Variants in JAKMIP3 observed in about 807,000 individuals in gnomAD.
JAKMIP3 encodes the protein janus kinase and microtubule-interacting protein 3.
Under a neutral mutation model 118.5 loss-of-function variants are expected in JAKMIP3, and 58 were observed. That is an observed-to-expected ratio of 0.49 (90% CI 0.40 to 0.61). JAKMIP3 has a LOEUF of 0.61. Ranked by LOEUF, JAKMIP3 falls within the 20% of genes least tolerant of loss-of-function variation. JAKMIP3 has a pLI of 0.00. For missense variants in JAKMIP3, 950 were observed against 1,109.0 expected, an observed-to-expected ratio of 0.86 and a Z score of 2.04; for synonymous variants, 486 against 451.2, an observed-to-expected ratio of 1.08 and a Z score of -0.98.
intron 1 of JAKMIP3, among the ~76,000 whole-genome samples, chr10:132,037,935 C>T (rs935584964): frequency 1.4e-4 from 22 of 152,354 alleles, no homozygotes; most frequent in Admixed American, 9.1e-4. Flanking sequence ...GCCTTTGCCA[C>T]AAATCTGGAA....
chr10:132,061,109 A>C (rs1219714233), upstream of JAKMIP3, among the ~76,000 whole-genome samples: 2 of 152,260 alleles, frequency 1.3e-5, no homozygotes, highest in African/African-American at 4.8e-5. Flanking sequence ...GTAAATATGA[A>C]GTGAGTAACA....
chr10:132,171,648 C>CTTTTTTTTTTTTTT (rs1324091102), intron 23 of JAKMIP3, among the ~76,000 whole-genome samples: 1 of 125,554 alleles, frequency 8.0e-6, no homozygotes, highest in South Asian at 2.4e-4. Context: ...TTATTTTTTT[C>CTTTTTTTTTTTTTT]TTTCTTTTTT....
At chr10:132,121,289 C>G (rs2135431218) in intron 3 of JAKMIP3, among the ~76,000 whole-genome samples, 1 of 152,274 alleles carries the variant, frequency 6.6e-6, no homozygotes, top group East Asian at 1.9e-4. Flanking sequence ...AGCCGCCAAC[C>G]CAGCTCATGG....
intron 3 of JAKMIP3, among the ~76,000 whole-genome samples, chr10:132,119,196 T>C (rs894816172): frequency 6.6e-6 from 1 of 151,998 alleles, no homozygotes; most frequent in African/African-American, 2.4e-5. Flanking sequence ...GTACAGGCTT[T>C]TTTTTTGCAG....
intron 2 of JAKMIP3, among the ~76,000 whole-genome samples, chr10:132,110,320 C>T (rs571036605): frequency 2.6e-5 from 4 of 152,380 alleles, no homozygotes; most frequent in Admixed American, 2.0e-4. Context: ...GCTGCTGGTG[C>T]CTCCAGCAGG....
In JAKMIP3 at chr10:132,180,752, C is replaced by CGTGT. The variant is rs1301580781; in HGVS notation, c.*1104-1601_*1104-1598dup. ...GTGCGTGTGTGCGTGCGTGCGCGCG[C>CGTGT]GTGTGTGCGTGTGTGTGCGTGTGTG... is the stretch of plus-strand genomic sequence containing the variant. On this transcript the variant is annotated intron_variant, in intron 23 of 23. Coordinates refer to ENST00000684848, the MANE Select transcript of JAKMIP3 (RefSeq NM_001323087.2). 3.7e-3 allele frequency among the ~76,000 whole-genome samples: 50 copies of CGTGT among 13,680 alleles called. 18 individuals carry two copies. The highest frequency in any genetic ancestry group is 6.4e-3 in the African/African-American group (24 of 3,766). The allele number at this position is 13,680 out of a possible 152,430, so 9.0% of individuals were successfully genotyped here. A position where few individuals can be genotyped will look rare whatever the true frequency, so the allele number is the denominator to read the frequency against.
intron 1 of JAKMIP3, among the ~76,000 whole-genome samples, chr10:132,056,514 T>C: frequency 6.6e-6 from 1 of 152,224 alleles, no homozygotes; most frequent in East Asian, 1.9e-4. Context: ...TTTGTGGCTC[T>C]GCTGCCCTTA....
At position 132,112,213 on chromosome 10, in the gene JAKMIP3, C is replaced by T. The variant is rs754222000; in HGVS notation, c.136-4864C>T. Among the ~76,000 whole-genome samples the T allele has an allele frequency of 1.1e-4, 17 of 152,066 alleles. No homozygotes were observed. The highest frequency in any genetic ancestry group is 4.1e-4 in the South Asian group (2 of 4,822). On this transcript the variant is annotated intron_variant, in intron 2 of 23. Transcript: ENST00000684848. This position sits in a 1 kb window ranked among gnomAD's most constrained non-coding sequence, Gnocchi z 4.3. Reference sequence around the variant, plus strand: ...GTGGAGCCTCACACCAACATCCAGGCGGGGGCTGACATTTGGGTGGTGAGC... The same window carrying T: ...GTGGAGCCTCACACCAACATCCAGGTGGGGGCTGACATTTGGGTGGTGAGC...
intron 4 of JAKMIP3, among the ~76,000 whole-genome samples, chr10:132,133,828 G>T (rs2051150982): frequency 1.3e-5 from 2 of 152,232 alleles, no homozygotes; most frequent in African/African-American, 4.8e-5. Flanking sequence ...GGCACTTGCT[G>T]GCCCGGAGTC....
intron 1 of JAKMIP3, among the ~76,000 whole-genome samples, chr10:132,100,479 T>A (rs9419189): frequency 1.3e-5 from 2 of 151,876 alleles, no homozygotes; most frequent in African/African-American, 4.8e-5. Flanking sequence ...GAAGACGTAT[T>A]GACCAGAACA....
intron 23 of JAKMIP3, among the ~76,000 whole-genome samples, chr10:132,176,600 G>A (rs566017234): frequency 9.1e-4 from 138 of 152,194 alleles, no homozygotes; most frequent in Middle Eastern, 3.4e-3. Context: ...ACTACTAACC[G>A]CTATACGATC....
intron 1 of JAKMIP3, among the ~76,000 whole-genome samples, chr10:132,080,756 G>A (rs563761153): frequency 6.6e-6 from 1 of 151,908 alleles, no homozygotes; most frequent in African/African-American, 2.4e-5. Context: ...CCAACCTCAA[G>A]CAGTCTGCCC....
chr10:132,071,572 T>TTG (rs1009024655), intron 1 of JAKMIP3, among the ~76,000 whole-genome samples: 1 of 152,198 alleles, frequency 6.6e-6, no homozygotes, highest in Non-Finnish European at 1.5e-5. Context: ...TCCAATATGA[T>TTG]TGTGAATATC....
At chr10:132,059,338 T>C (rs2038330513) in intron 1 of JAKMIP3, among the ~76,000 whole-genome samples, 1 of 152,272 alleles carries the variant, frequency 6.6e-6, no homozygotes, top group Non-Finnish European at 1.5e-5. Context: ...CACAGGATTG[T>C]GCATTTGAAG....
intron 23 of JAKMIP3, among the ~76,000 whole-genome samples, chr10:132,178,083 C>A (rs1351322751): frequency 6.6e-6 from 1 of 152,258 alleles, no homozygotes; most frequent in Non-Finnish European, 1.5e-5. Context: ...GTCCCACCTG[C>A]CACCTGCACC....
Position 132,117,616 on chromosome 10 carries a change from G to C in JAKMIP3, c.633+42G>C, listed in dbSNP as rs12776852. ...GGGCGGGCGTGGGCGAGGGTGCAGG[G>C]GCGGGCGTGGGCGAGGGTGCAGGGG... is the stretch of plus-strand genomic sequence containing the variant. On this transcript the variant is annotated intron_variant, in intron 3 of 23. Coordinates refer to ENST00000684848, the MANE Select transcript of JAKMIP3 (RefSeq NM_001323087.2). The surrounding 1 kb of genome is among the most constrained non-coding windows in gnomAD (Gnocchi z 8.6). 3 of 1,081,200 alleles carry C rather than the reference G, an allele frequency of 2.8e-6. No homozygotes were observed. Among genetic ancestry groups the C allele is most frequent in the Non-Finnish European group, 3.9e-6 (3 of 771,130 alleles). The allele number at this position is 1,081,200 out of a possible 1,614,324, so 67.0% of individuals were successfully genotyped here. A position where few individuals can be genotyped will look rare whatever the true frequency, so the allele number is the denominator to read the frequency against.
intron 21 of JAKMIP3, among the ~76,000 whole-genome samples, chr10:132,165,571 C>T (rs778369792): frequency 6.6e-6 from 1 of 152,196 alleles, no homozygotes; most frequent in Non-Finnish European, 1.5e-5. Context: ...CTCATCCTTC[C>T]GGAGAGAACA....
At chr10:132,123,611 G>A (rs755729232) in intron 3 of JAKMIP3, among the ~76,000 whole-genome samples, 3 of 152,222 alleles carry the variant, frequency 2.0e-5, no homozygotes, top group Non-Finnish European at 4.4e-5. Flanking sequence ...CGGGTGTCAG[G>A]TAAGTGACCG....
intron 23 of JAKMIP3, among the ~76,000 whole-genome samples, chr10:132,172,202 C>T (rs2059557761): frequency 6.6e-6 from 1 of 152,162 alleles, no homozygotes; most frequent in African/African-American, 2.4e-5. Context: ...TCAGGAGGAT[C>T]TGCCTGGCCT....
Sources: gnomAD v4.1 joint callset for allele counts (sites outside exome capture counted in the v4.1 genomes callset) on GRCh38, gnomAD v4.1.1 for gene constraint, Gnocchi (gnomAD v3.1) non-coding constraint, MANE v1.5 for transcripts, NCBI Gene and HGNC (gene_info 2026-07-23, HGNC 2026-07-21) for gene names.